Variants in SLIT3 observed in about 807,000 individuals in gnomAD.
SLIT3 encodes the protein slit guidance ligand 3, also known as slit homolog 3 protein.
A neutral mutation model predicts 184.0 loss-of-function variants in SLIT3; 68 were observed. The ratio of observed to expected loss-of-function variants is 0.37; its 90% CI spans 0.30 to 0.45. SLIT3 has a LOEUF of 0.45. SLIT3 is among the 20% of genes least tolerant of loss of function. The pLI, the probability that SLIT3 is intolerant of heterozygous loss-of-function variation, is 1.00. For missense variants in SLIT3, 1,707 were observed against 2,026.0 expected (o/e 0.84, Z 3.02); for synonymous variants, 831 against 828.6 (o/e 1.00, Z -0.05).
At chr5:169,284,045 T>C (rs77886611) in intron 1 of SLIT3, among the ~76,000 whole-genome samples, 9,531 of 152,176 alleles carry the variant, frequency 0.063, 495 homozygotes, top group Admixed American at 0.17. Flanking sequence ...TGGTATAGTT[T>C]GCTGAATTTC....
Position 168,991,822 on chromosome 5 carries a change from C to T in SLIT3, c.414-108486G>A, listed in dbSNP as rs1004415680. 3.9e-5 allele frequency among the ~76,000 whole-genome samples: 6 copies of T among 152,308 alleles called. No homozygotes were observed. The East Asian group carries it at 7.7e-4, about 20-fold the overall frequency. ...AGAAAAACAGCCCAGACTCCACATT[C>T]GCCTCTAACCCACACATTTCCCTCT... On this transcript the variant is annotated intron_variant, in intron 4 of 35. Coordinates refer to ENST00000519560, the MANE Select transcript of SLIT3 (RefSeq NM_003062.4).
intron 4 of SLIT3, among the ~76,000 whole-genome samples, chr5:169,117,241 A>ACAGTAT (rs1311050019): frequency 6.6e-6 from 1 of 152,226 alleles, no homozygotes; most frequent in Non-Finnish European, 1.5e-5. Flanking sequence ...CAGGATACAT[A>ACAGTAT]ACTCCACAAT....
chr5:168,782,951 A>G (rs988651694), intron 12 of SLIT3, among the ~76,000 whole-genome samples: 1 of 152,234 alleles, frequency 6.6e-6, no homozygotes, highest in Non-Finnish European at 1.5e-5. Flanking sequence ...AGACAATGAT[A>G]ACAGACTTTT....
intron 4 of SLIT3, among the ~76,000 whole-genome samples, chr5:168,992,600 G>A (rs931495923): frequency 1.3e-5 from 2 of 152,162 alleles, no homozygotes; most frequent in Middle Eastern, 3.2e-3. Context: ...AAAAATGGAA[G>A]CAAAAGTTCT....
chr5:169,003,248 G>C (rs1755782270), intron 4 of SLIT3, among the ~76,000 whole-genome samples: 1 of 152,160 alleles, frequency 6.6e-6, no homozygotes, highest in Admixed American at 6.5e-5. Flanking sequence ...CTATTCCTTG[G>C]ATTAAAACTC....
intron 4 of SLIT3, among the ~76,000 whole-genome samples, chr5:169,138,445 T>C (rs1581448047): frequency 6.6e-6 from 1 of 152,158 alleles, no homozygotes; most frequent in Non-Finnish European, 1.5e-5. Flanking sequence ...TGTCTTCTCC[T>C]GCTGCCCCCA....
At chr5:169,236,467 T>A (rs1740841573) in intron 3 of SLIT3, among the ~76,000 whole-genome samples, 1 of 110,172 alleles carries the variant, frequency 9.1e-6, no homozygotes, top group African/African-American at 3.7e-5. Context: ...GCAAGAAAAG[T>A]GTTTTGTTTT....
In SLIT3 at chr5:168,795,565, T is replaced by C. The variant is rs1441848013; in HGVS notation, c.949A>G (p.Asn317Asp). The C allele has an allele frequency of 6.2e-7, 1 of 1,613,858 alleles. No individual in the cohort carries two copies. ...CCTGCAGGGATGGCTTTGATGGAGT[T>C]CTGTTCTAGGCGTCTGGGAAACAGA... ...EGIVEIRLEQ[N>D]SIKAIPAGAF... The change falls in exon 10 of 36, where the codon AAC (asparagine) becomes GAC (aspartate). Residue 317 changes from asparagine (N) to aspartate (D), a missense_variant. This residue lies in a region of SLIT3 where 1,307 missense variants were observed against 1,511.6 expected (regional missense o/e 0.86). Transcript: ENST00000519560.
intron 4 of SLIT3, among the ~76,000 whole-genome samples, chr5:169,186,781 G>A (rs1304071477): frequency 1.3e-5 from 2 of 152,230 alleles, no homozygotes; most frequent in Non-Finnish European, 2.9e-5. Flanking sequence ...TGAGAGTTCA[G>A]AGGAGGACTC....
At chr5:169,026,866 C>A (rs1756846835) in intron 4 of SLIT3, among the ~76,000 whole-genome samples, 1 of 151,958 alleles carries the variant, frequency 6.6e-6, no homozygotes, top group Non-Finnish European at 1.5e-5. Flanking sequence ...GGATAGGGAC[C>A]AGGTCTCTAC....
At chr5:168,987,771 C>A (rs1755185661) in intron 4 of SLIT3, among the ~76,000 whole-genome samples, 1 of 152,218 alleles carries the variant, frequency 6.6e-6, no homozygotes, top group Admixed American at 6.5e-5. Flanking sequence ...GCAGCCCACC[C>A]ATTATGGAGG....
At chr5:169,245,057 G>C (rs150667349) in intron 2 of SLIT3, among the ~76,000 whole-genome samples, 22 of 152,298 alleles carry the variant, frequency 1.4e-4, no homozygotes, top group African/African-American at 5.3e-4. Flanking sequence ...GCAGGATGTT[G>C]CACAGAAAAG....
At chr5:169,043,154 A>G (rs1048520680) in intron 4 of SLIT3, among the ~76,000 whole-genome samples, 8 of 152,244 alleles carry the variant, frequency 5.3e-5, no homozygotes, top group Middle Eastern at 3.4e-3. Flanking sequence ...ATCTCATTTT[A>G]TACTAGAGAA....
chr5:168,995,651 A>T (rs1246523712), intron 4 of SLIT3: 1 of 152,236 alleles, frequency 6.6e-6, no homozygotes, highest in East Asian at 1.9e-4. Context: ...TTTGCAAAAT[A>T]AACGGTTTTC....
chr5:169,160,995 G>A (rs768861958), intron 4 of SLIT3, among the ~76,000 whole-genome samples: 7 of 152,176 alleles, frequency 4.6e-5, no homozygotes, highest in Non-Finnish European at 7.3e-5. Flanking sequence ...AATCCCCAGC[G>A]GCATGGCTTG....
intron 7 of SLIT3, among the ~76,000 whole-genome samples, chr5:168,818,962 G>A (rs1469050960): frequency 6.6e-6 from 1 of 152,216 alleles, no homozygotes; most frequent in Non-Finnish European, 1.5e-5. Flanking sequence ...TAACAATTTT[G>A]AAAAAGACTT....
intron 4 of SLIT3, among the ~76,000 whole-genome samples, chr5:168,988,161 T>C (rs1180383619): frequency 3.3e-5 from 5 of 152,250 alleles, no homozygotes; most frequent in Non-Finnish European, 7.3e-5. Context: ...GTGACCATTT[T>C]GTCTGAGACT....
chr5:169,276,507 A>G (rs1234338711), intron 1 of SLIT3, among the ~76,000 whole-genome samples: 2 of 152,152 alleles, frequency 1.3e-5, no homozygotes, highest in Non-Finnish European at 2.9e-5. Flanking sequence ...CAAAGAGGAT[A>G]TTTCCTGGTT....
intron 4 of SLIT3, among the ~76,000 whole-genome samples, chr5:168,890,931 G>A (rs1031326991): frequency 3.3e-5 from 5 of 152,252 alleles, no homozygotes; most frequent in African/African-American, 7.2e-5. Context: ...TGATTGCATC[G>A]GATTAGGTGC....
Sources: allele counts gnomAD v4.1 joint callset (sites outside exome capture counted in the v4.1 genomes callset), GRCh38; gene constraint gnomAD v4.1.1; regional missense constraint gnomAD v4.1.1; transcripts MANE v1.5; gene names NCBI Gene and HGNC (gene_info 2026-07-23, HGNC 2026-07-21).